Variants in COL13A1 observed in about 807,000 individuals in gnomAD.
COL13A1 encodes the protein collagen alpha-1(XIII) chain.
In COL13A1, 89 loss-of-function variants were observed where a neutral mutation model predicts 130.9. The ratio of observed to expected loss-of-function variants is 0.68; its 90% confidence interval spans 0.57 to 0.81. COL13A1 has a LOEUF of 0.81. Ranked by LOEUF, COL13A1 falls within the 30% of genes least tolerant of loss-of-function variation. The probability of loss-of-function intolerance (pLI) is 0.00; values close to 1 mark genes in which losing one functional copy is unlikely to be tolerated. For missense variants in COL13A1, 879 were observed against 934.6 expected, an observed-to-expected ratio of 0.94 and a Z score of 0.78; for synonymous variants, 402 against 341.6, an observed-to-expected ratio of 1.18 and a Z score of -1.95.
chr10:69,938,424 T>C (rs1033911768), intron 34 of COL13A1, among the ~76,000 whole-genome samples: 2 of 151,970 alleles, frequency 1.3e-5, no homozygotes, highest in South Asian at 2.1e-4. Flanking sequence ...TCCACTGAGG[T>C]TGGCATTCTT....
intron 2 of COL13A1, among the ~76,000 whole-genome samples, chr10:69,836,748 A>G (rs1227782): frequency 1 from 151,667 of 152,292 alleles, 75,524 homozygotes; most frequent in Middle Eastern, 1. Context: ...CCTCAGCCTC[A>G]TGGAGACCCT....
chr10:69,926,713 A>T (rs955091182), intron 26 of COL13A1, among the ~76,000 whole-genome samples: 2 of 152,134 alleles, frequency 1.3e-5, no homozygotes, highest in Admixed American at 6.5e-5. Context: ...GTTCTGGGAG[A>T]AGAGGAAAGA....
intron 2 of COL13A1, among the ~76,000 whole-genome samples, chr10:69,852,132 C>T (rs1323097630): frequency 2.0e-5 from 3 of 152,098 alleles, no homozygotes; most frequent in East Asian, 1.9e-4. Flanking sequence ...ATCTAGGTTT[C>T]GACTCCAACA....
chr10:69,806,901 G>A (rs532632150), intron 1 of COL13A1, among the ~76,000 whole-genome samples: 3 of 152,280 alleles, frequency 2.0e-5, no homozygotes, highest in South Asian at 2.1e-4. Flanking sequence ...CCAGCTACTC[G>A]GGAGGCTAAG....
chr10:69,931,731 C>A (rs1377998342), intron 30 of COL13A1, among the ~76,000 whole-genome samples: 1 of 152,204 alleles, frequency 6.6e-6, no homozygotes, highest in Non-Finnish European at 1.5e-5. Context: ...CCCGAGTTGA[C>A]CCCTCAGAGC....
intron 14 of COL13A1, among the ~76,000 whole-genome samples, chr10:69,900,171 C>G (rs1338733703): frequency 1.3e-5 from 2 of 152,176 alleles, no homozygotes; most frequent in Non-Finnish European, 2.9e-5. Flanking sequence ...GTGCCGGACC[C>G]CATTCCAGGA....
rs1589422865 is a variant in COL13A1, at chr10:69,904,914, T to C, written c.859-19T>C. ...TCACCTTTTCTTTTTTCTTTTTTTT[T>C]TTTTTTTTGCTTCCACAGGGCTTAC... is the stretch of plus-strand genomic sequence containing the variant. On this transcript the variant is annotated intron_variant, in intron 15 of 40. Transcript: ENST00000645393. The C allele has an allele frequency of 6.5e-7, 1 of 1,536,576 alleles. No individual in the cohort carries two copies. The highest frequency in any genetic ancestry group is 1.2e-5 in the South Asian group (1 of 82,916).
intron 1 of COL13A1, among the ~76,000 whole-genome samples, chr10:69,819,948 C>T (rs1053717551): frequency 3.3e-5 from 5 of 152,194 alleles, no homozygotes; most frequent in African/African-American, 7.2e-5. Context: ...TCTGAGCCTT[C>T]GCCTCTGCTG....
intron 2 of COL13A1, among the ~76,000 whole-genome samples, chr10:69,841,972 C>T (rs1170737757): frequency 4.6e-5 from 7 of 152,158 alleles, no homozygotes; most frequent in Non-Finnish European, 8.8e-5. Context: ...ATCCTAAGAG[C>T]AGTGGGGAGC....
intron 26 of COL13A1, 130 bp downstream of exon 26, chr10:69,926,002 G>A (rs574150847): frequency 4.0e-5 from 29 of 721,450 alleles, no homozygotes; most frequent in Non-Finnish European, 3.8e-5. Context: ...GCGCTTCCAG[G>A]AGAGCTGCTT....
chr10:69,935,538 C>G, intron 32 of COL13A1, 147 bp downstream of exon 32: 2 of 619,114 alleles, frequency 3.2e-6, no homozygotes, highest in Non-Finnish European at 5.5e-6. Flanking sequence ...GCTCCTTTTC[C>G]CTCCCATGTT....
rs561602530 is a variant in COL13A1, at chr10:69,836,219, A to T, written c.364+13781A>T. On this transcript the variant is annotated intron_variant, in intron 2 of 40. Coordinates refer to ENST00000645393, the MANE Select transcript of COL13A1 (RefSeq NM_001368882.1). ...GGAAGGGGAAACACACGGGTAACTCAGTGGCTGCTGCAGAGACCCAGGGCT... is the reference window on the plus strand; with the variant it reads ...GGAAGGGGAAACACACGGGTAACTCTGTGGCTGCTGCAGAGACCCAGGGCT... Among the ~76,000 whole-genome samples, 6 of 152,360 alleles carry T rather than the reference A, an allele frequency of 3.9e-5. No individual in the cohort carries two copies. In the South Asian group the frequency reaches 1.0e-3, roughly 26 times the overall value.
chr10:69,919,130 G>A lies in COL13A1; in HGVS notation c.1026+42G>A, dbSNP rs7913945. On this transcript the variant is annotated intron_variant, in intron 20 of 40. Coordinates refer to ENST00000645393, the MANE Select transcript of COL13A1 (RefSeq NM_001368882.1). ...AATGTTCCGGGCTGCACAGAGCATC[G>A]GTCATGGGCAGAGGTGGGAGGGGCT... The A allele has an allele frequency of 7.6e-4, 1,225 of 1,613,132 alleles. 13 individuals are homozygous for A. The African/African-American group carries it at 0.015, about 19-fold the overall frequency.
chr10:69,932,950 A>G (rs2066321719), intron 31 of COL13A1, among the ~76,000 whole-genome samples: 1 of 151,912 alleles, frequency 6.6e-6, no homozygotes, highest in South Asian at 2.1e-4. Flanking sequence ...CAGCCTGGCC[A>G]ATATGGTGAA....
chr10:69,927,124 C>T lies in COL13A1; in HGVS notation c.1422+14C>T. 1 of 1,611,876 alleles carries T rather than the reference C, an allele frequency of 6.2e-7. No homozygotes were observed. The highest frequency in any genetic ancestry group is 2.2e-5 in the East Asian group (1 of 44,806). On this transcript the variant is annotated intron_variant, in intron 27 of 40. Coordinates refer to ENST00000645393, the MANE Select transcript of COL13A1 (RefSeq NM_001368882.1). ...CTGGCCTTGATGGTAAGTTTTGCTC[C>T]TCCTGGCTTTCCTTGGGCACTGGAC... is the stretch of plus-strand genomic sequence containing the variant.
chr10:69,911,265 C>T (rs1338355352), intron 17 of COL13A1, among the ~76,000 whole-genome samples: 3 of 152,228 alleles, frequency 2.0e-5, no homozygotes, highest in African/African-American at 7.2e-5. Flanking sequence ...AGCAAGGGCC[C>T]GTGTGGTGGA....
At chr10:69,858,115 C>CAAAAAAAAAAAAAAGA (rs1856968137) in intron 2 of COL13A1, among the ~76,000 whole-genome samples, 1 of 80,384 alleles carries the variant, frequency 1.2e-5, no homozygotes, top group African/African-American at 5.0e-5. Flanking sequence ...GACTCCGTCT[C>CAAAAAAAAAAAAAAGA]AAAAAAAAAA....
intron 2 of COL13A1, among the ~76,000 whole-genome samples, chr10:69,859,746 G>A (rs992181118): frequency 2.6e-5 from 4 of 152,248 alleles, no homozygotes; most frequent in African/African-American, 4.8e-5. Flanking sequence ...AAGGCCCAGA[G>A]CCACAGGCAG....
rs751746018 is a variant in COL13A1 at position 69,888,308 on chromosome 10, C to T, written c.554C>T (p.Pro185Leu). ...GTRGFPGFPG[P>L]IGLDGKPGHP... ...ATCTGGCCTTTCTGGTTTCAGGGTC[C>T]CATTGGGCTGGACGGCAAACCGGTA... The change falls in exon 9 of 41, where the codon CCC becomes CTC. Residue 185 changes from proline (P) to leucine (L), a missense_variant. Physicochemically the swap from Pro to Leu is moderately conservative, Grantham distance 98. This residue lies in a region of COL13A1 where 715 missense variants were observed against 721.0 expected (regional missense o/e 0.99). Coordinates refer to ENST00000645393, the MANE Select transcript of COL13A1 (RefSeq NM_001368882.1). 8.1e-6 allele frequency: 13 copies of T among 1,612,848 alleles called. No individual in the cohort carries two copies. The highest frequency in any genetic ancestry group is 1.1e-5 in the South Asian group (1 of 90,608).
Sources: allele counts gnomAD v4.1 joint callset (sites outside exome capture counted in the v4.1 genomes callset), GRCh38; gene constraint gnomAD v4.1.1; regional missense constraint gnomAD v4.1.1; transcripts MANE v1.5; gene names NCBI Gene and HGNC (gene_info 2026-07-23, HGNC 2026-07-21).